IFT140: variants seen among roughly 807,000 people sequenced by gnomAD.
The protein encoded by IFT140 is intraflagellar transport protein 140 homolog.
A neutral mutation model predicts 164.6 loss-of-function variants in IFT140; 133 were observed. The observed-to-expected ratio is 0.81, with a 90% CI of 0.70 to 0.93. The LOEUF (loss-of-function observed/expected upper bound fraction) is 0.93. Ranked by LOEUF, IFT140 falls within the 40% of genes least tolerant of loss-of-function variation. The pLI, the probability that IFT140 is intolerant of heterozygous loss-of-function variation, is 0.00. For synonymous variants in IFT140, 860 were observed against 817.3 expected (o/e 1.05, Z -0.89); for missense variants, 2,045 against 1,972.3 (o/e 1.04, Z -0.70).
intron 13 of IFT140, among the ~76,000 whole-genome samples, chr16:1,573,036 G>A (rs1031690492): frequency 1.3e-5 from 2 of 152,190 alleles, no homozygotes; most frequent in African/African-American, 4.8e-5. Flanking sequence ...AGTGGGCACG[G>A]AAATCTAAAC....
Position 1,551,706 on chromosome 16 carries a change from C to T in IFT140, c.2399+6229G>A, listed in dbSNP as rs570776443. On this transcript the variant is annotated intron_variant, in intron 19 of 30. Coordinates refer to ENST00000426508, the MANE Select transcript of IFT140 (RefSeq NM_014714.4). The surrounding 1 kb of genome is among the most constrained non-coding windows in gnomAD (Gnocchi z 4.0). ...ACGGAAGAGCCTAAGATCAGCGGCA[C>T]TTCAGTCTTCTACGGGGTTTTGTTG... Among the ~76,000 whole-genome samples, 1 of 152,302 alleles carries T rather than the reference C, an allele frequency of 6.6e-6. No individual in the cohort carries two copies. The highest frequency in any genetic ancestry group is 6.5e-5 in the Admixed American group (1 of 15,300).
intron 10 of IFT140, among the ~76,000 whole-genome samples, chr16:1,585,039 A>G (rs1186361127): frequency 8.5e-5 from 13 of 152,234 alleles, no homozygotes; most frequent in Admixed American, 8.5e-4. Context: ...AGGAAGCTAC[A>G]ACGACAGTGT....
intron 17 of IFT140, among the ~76,000 whole-genome samples, chr16:1,562,347 G>A (rs1413531623): frequency 6.6e-6 from 1 of 151,986 alleles, no homozygotes; most frequent in East Asian, 1.9e-4. Context: ...TGCGACCACT[G>A]GACTCTCCCA....
At chr16:1,583,847 C>T (rs764548793) in intron 11 of IFT140, among the ~76,000 whole-genome samples, 18 of 152,014 alleles carry the variant, frequency 1.2e-4, no homozygotes, top group Non-Finnish European at 2.2e-4. Flanking sequence ...TGGGTTCAAG[C>T]GATTCTCCTG....
intron 12 of IFT140, among the ~76,000 whole-genome samples, chr16:1,582,870 T>C (rs764897248): frequency 3.3e-5 from 5 of 152,228 alleles, no homozygotes; most frequent in Non-Finnish European, 5.9e-5. Flanking sequence ...ACCACTGCAC[T>C]CCAGCCTGGG....
At chr16:1,583,214 T>TGCA in intron 12 of IFT140, 100 bp downstream of exon 12, 1 of 1,050,050 alleles carries the variant, frequency 9.5e-7, no homozygotes, top group East Asian at 2.5e-5. Context: ...CCCCAGCCCC[T>TGCA]GTGCCAGCCC....
rs754753583 is a variant in IFT140, at chr16:1,526,645, C to T, written c.2551G>A (p.Val851Met). The T allele has an allele frequency of 8.4e-5, 133 of 1,574,868 alleles. No individual in the cohort carries two copies. Among genetic ancestry groups the T allele is most frequent in the East Asian group, 1.4e-4 (6 of 42,940 alleles). The change falls in exon 20 of 31, where the codon GTG becomes ATG. Residue 851 changes from valine to methionine, a missense_variant. By Grantham distance (21) the Val-to-Met change is conservative. Coordinates refer to ENST00000426508, the MANE Select transcript of IFT140 (RefSeq NM_014714.4). ...QEPELEARVA[V>M]LATQLGMLED... ...AGCATGCCCAGCTGCGTGGCCAGCACGGCCACGCGGGCCTCTAGCTCCGGC... is the reference window on the plus strand; with the variant it reads ...AGCATGCCCAGCTGCGTGGCCAGCATGGCCACGCGGGCCTCTAGCTCCGGC...
intron 26 of IFT140, among the ~76,000 whole-genome samples, chr16:1,522,459 C>A (rs971153603): frequency 6.6e-6 from 1 of 152,184 alleles, no homozygotes; most frequent in South Asian, 2.1e-4. Context: ...CACTTGAACC[C>A]GGGAGGTGGA....
chr16:1,526,466 C>T (rs779871709), intron 20 of IFT140, 153 bp downstream of exon 20: 15 of 853,370 alleles, frequency 1.8e-5, no homozygotes, highest in Non-Finnish European at 2.6e-5. Context: ...CCTCCACCGC[C>T]GCTGTCTGCC....
At chr16:1,591,114 G>A (rs1417215471) in intron 6 of IFT140, among the ~76,000 whole-genome samples, 1 of 152,148 alleles carries the variant, frequency 6.6e-6, no homozygotes, top group African/African-American at 2.4e-5. Flanking sequence ...CACCCACAAA[G>A]CCTACAGCTC....
chr16:1,547,868 G>A (rs1279211621), intron 19 of IFT140, among the ~76,000 whole-genome samples: 1 of 152,122 alleles, frequency 6.6e-6, no homozygotes, highest in African/African-American at 2.4e-5. Flanking sequence ...GCATAGATGG[G>A]GTCTTGCCAC....
chr16:1,520,901 C>T (rs1042642366), intron 26 of IFT140, 93 bp from the exon 27 acceptor site: 48 of 1,243,778 alleles, frequency 3.9e-5, no homozygotes, highest in Non-Finnish European at 5.4e-5. Context: ...AAACCAGGCC[C>T]CTCGGCTCAG....
At chr16:1,578,220 T>C (rs1269019180) in intron 13 of IFT140, 1 of 152,054 alleles carries the variant, frequency 6.6e-6, no homozygotes, top group East Asian at 1.9e-4. Flanking sequence ...TTGGCACTTA[T>C]CGCTGACTTG....
At chr16:1,518,165 C>T (rs2040416993) in intron 30 of IFT140, 51 bp downstream of exon 30, 3 of 1,590,128 alleles carry the variant, frequency 1.9e-6, no homozygotes, top group Non-Finnish European at 8.6e-7. Context: ...GCCTTCGTTT[C>T]AGGAGCCTTG....
At chr16:1,530,767 T>G (rs2030390635) in intron 19 of IFT140, 1 of 149,714 alleles carries the variant, frequency 6.7e-6, no homozygotes, top group Non-Finnish European at 1.5e-5. Context: ...GGTTTTGCTC[T>G]GGTTCCTGGG....
chr16:1,514,585 C>T (rs1469037163), intron 30 of IFT140: 1 of 152,102 alleles, frequency 6.6e-6, no homozygotes, highest in African/African-American at 2.4e-5. Context: ...AGCTGCTATC[C>T]ACCACAGGGG....
intron 30 of IFT140, 34 bp downstream of exon 30, chr16:1,518,182 G>C: frequency 6.3e-7 from 1 of 1,578,232 alleles, no homozygotes; most frequent in Non-Finnish European, 8.6e-7. Context: ...CTTGTGTGGC[G>C]GGATGCTGCT....
rs2032609675 is a variant in IFT140, at chr16:1,551,241, C to T, written c.2399+6694G>A. The stretch of plus-strand genomic sequence containing the variant: ...GAGCCTGCCCTGTGGCGGGGGAGAG[C>T]GGCCAGAGCCACCCATGGGTAAAGA... On this transcript the variant is annotated intron_variant, in intron 19 of 30. Coordinates refer to ENST00000426508, the MANE Select transcript of IFT140 (RefSeq NM_014714.4). The surrounding 1 kb of genome is among the most constrained non-coding windows in gnomAD (Gnocchi z 4.0). Among the ~76,000 whole-genome samples the T allele has an allele frequency of 6.6e-6, 1 of 152,294 alleles. No homozygotes were observed. The highest frequency in any genetic ancestry group is 6.5e-5 in the Admixed American group (1 of 15,302).
chr16:1,559,134 T>C (rs74381546), intron 18 of IFT140, among the ~76,000 whole-genome samples: 8,195 of 152,304 alleles, frequency 0.054, 445 homozygotes, highest in Admixed American at 0.17. Flanking sequence ...CTGGGGCCCA[T>C]CTGCAGGGTG....
Sources: gnomAD v4.1 joint callset for allele counts (sites outside exome capture counted in the v4.1 genomes callset) on GRCh38, gnomAD v4.1.1 for gene constraint, Gnocchi (gnomAD v3.1) non-coding constraint, MANE v1.5 for transcripts, NCBI Gene and HGNC (gene_info 2026-07-23, HGNC 2026-07-21) for gene names.